CALY: variants seen among roughly 807,000 people sequenced by gnomAD.
The protein encoded by CALY is calcyon neuron specific vesicular protein.
A neutral mutation model predicts 20.2 loss-of-function variants in CALY; 15 were observed. The ratio of observed to expected loss-of-function variants is 0.74; its 90% CI spans 0.50 to 1.14. The LOEUF (loss-of-function observed/expected upper bound fraction) is 1.14, where lower values mean the gene tolerates loss of function less well. Among genes scored for constraint, CALY ranks in the 50% most tolerant of loss-of-function variants. CALY has a pLI of 0.00. For synonymous variants in CALY, 129 were observed against 131.8 expected (o/e 0.98, Z 0.15); for missense variants, 270 against 304.4 (o/e 0.89, Z 0.84).
chr10:133,328,713 G>T, intron 2 of CALY, 142 bp downstream of exon 2: 2 of 957,928 alleles, frequency 2.1e-6, no homozygotes, highest in Non-Finnish European at 3.0e-6. Flanking sequence ...CCCATGGCCA[G>T]CTGGGGCTTT....
chr10:133,335,640 C>T (rs1312399944), intron 1 of CALY, among the ~76,000 whole-genome samples: 1 of 152,220 alleles, frequency 6.6e-6, no homozygotes, highest in African/African-American at 2.4e-5. Flanking sequence ...CCACCCCACA[C>T]ACCAGACCTT....
Position 133,326,010 on chromosome 10 carries a change from G to C in CALY, c.471C>G (p.His157Gln), listed in dbSNP as rs1201277974. ...CCCAGGCCGCCGGCGTCTCCGTGCC[G>C]TGCTTGCGGCTCAGCGGGTAGGCCC... is the stretch of plus-strand genomic sequence containing the variant. ...AIGAYPLSRK[H>Q]GTETPAAWGD... The change falls in exon 5 of 6, where the codon CAC becomes CAG. Residue 157 changes from histidine (H) to glutamine (Q), a missense_variant. Transcript: ENST00000252939. 6.3e-6 allele frequency: 10 copies of C among 1,579,892 alleles called. No individual in the cohort carries two copies. The highest frequency in any genetic ancestry group is 8.6e-6 in the Non-Finnish European group (10 of 1,163,302).
chr10:133,328,409 C>G lies in CALY; in HGVS notation c.136-394G>C, dbSNP rs1160419837. ...TCGGGGTGCCCTTCATGCTGCATGA[C>G]TCCCTGGGGGGTCAAACTGGGCTGG... On this transcript the variant is annotated intron_variant, in intron 2 of 5. Transcript: ENST00000252939. Among the ~76,000 whole-genome samples the G allele has an allele frequency of 2.0e-5, 3 of 152,208 alleles. No individual in the cohort carries two copies. The East Asian group carries it at 5.8e-4, about 29-fold the overall frequency.
At chr10:133,333,380 G>A (rs1848350375) in intron 1 of CALY, among the ~76,000 whole-genome samples, 1 of 140,878 alleles carries the variant, frequency 7.1e-6, no homozygotes, top group Admixed American at 7.0e-5. Flanking sequence ...GTGGGGTGGA[G>A]GGGAGGGATC....
chr10:133,327,085 C>G lies in CALY; in HGVS notation c.247-94G>C, dbSNP rs1346240000. 1.3e-5 allele frequency: 11 copies of G among 845,824 alleles called. No homozygotes were observed. In the South Asian group the frequency reaches 1.5e-4, roughly 11 times the overall value. 52.4% of individuals were successfully genotyped at this position (845,824 alleles called of 1,614,324 possible). A position where few individuals can be genotyped will look rare whatever the true frequency, so the allele number is the denominator to read the frequency against. On this transcript the variant is annotated intron_variant, in intron 3 of 5. Transcript: ENST00000252939. ...GGCTGGGCTGGCACAGGACCATCCC[C>G]GCCCTCCAGTCTTGATGCCCCACCC...
At chr10:133,333,479 G>A (rs1297282865) in intron 1 of CALY, among the ~76,000 whole-genome samples, 2 of 147,986 alleles carry the variant, frequency 1.4e-5, no homozygotes, top group Non-Finnish European at 3.0e-5. Context: ...AGGATATGAC[G>A]CGGGGGGAAG....
At chr10:133,332,000 G>A (rs928538757) in intron 1 of CALY, among the ~76,000 whole-genome samples, 4 of 152,234 alleles carry the variant, frequency 2.6e-5, no homozygotes, top group South Asian at 2.1e-4. Flanking sequence ...GGTGGTACAC[G>A]CCTATAATCC....
rs1848227968 is a variant in CALY at position 133,327,134 on chromosome 10, T to G, written c.247-143A>C. ...CCCCGCCCTGGGCAGCCAGTGGCTT[T>G]TCCAACTTTTCCGAGGGTCAAGTGT... On this transcript the variant is annotated intron_variant, in intron 3 of 5. Coordinates refer to ENST00000252939, the MANE Select transcript of CALY (RefSeq NM_015722.4). 4 of 643,856 alleles carry G rather than the reference T, an allele frequency of 6.2e-6. No homozygotes were observed. In the South Asian group the frequency reaches 7.2e-5, roughly 12 times the overall value. 39.9% of individuals were successfully genotyped at this position (643,856 alleles called of 1,614,324 possible).
At chr10:133,325,776 G>A (rs1848192269) in intron 5 of CALY, 23 bp downstream of exon 5, 3 of 1,072,948 alleles carry the variant, frequency 2.8e-6, no homozygotes, top group South Asian at 9.3e-5. Flanking sequence ...AGAGCCGGCC[G>A]GAGCCCCGCG....
rs1321467609 is a variant in CALY at position 133,324,347 on chromosome 10, A to G, written c.*1248T>C. 2.2e-6 allele frequency: 1 copy of G among 455,806 alleles called. No homozygotes were observed. Among genetic ancestry groups the G allele is most frequent in the South Asian group, 1.6e-5 (1 of 64,510 alleles). The allele number at this position is 455,806 out of a possible 1,614,324, so 28.2% of individuals were successfully genotyped here. A position where few individuals can be genotyped will look rare whatever the true frequency, so the allele number is the denominator to read the frequency against. On this transcript the variant is annotated 3_prime_UTR_variant, in exon 6 of 6. Coordinates refer to ENST00000252939, the MANE Select transcript of CALY (RefSeq NM_015722.4). The stretch of plus-strand genomic sequence containing the variant: ...GGCCCAGTTCACAGGCTTCCTGGGC[A>G]CTGCCGCTGTTCCAAAGCAGGCCAG...
rs1188612287 is a variant in CALY at position 133,326,027 on chromosome 10, G to A, written c.454C>T (p.Pro152Ser). The change falls in exon 5 of 6, where the codon CCG becomes TCG. Residue 152 changes from proline (P) to serine (S), a missense_variant. Transcript: ENST00000252939. ...RSILAAIGAY[P>S]LSRKHGTETP... ...TCCGTGCCGTGCTTGCGGCTCAGCG[G>A]GTAGGCCCCGATGGCCGCCAGGATG... 2 of 1,588,380 alleles carry A rather than the reference G, an allele frequency of 1.3e-6. No homozygotes were observed. The highest frequency in any genetic ancestry group is 8.6e-7 in the Non-Finnish European group (1 of 1,167,782).
In CALY at chr10:133,328,939, C is replaced by T. The variant is rs542453532; in HGVS notation, c.51G>A (p.Gly17=). The stretch of plus-strand genomic sequence containing the variant: ...TGTCCATGGCAGCCCCATCCTGGTC[C>T]CCAGGGTCTTTACCTGGCTTCCCAG... The part of the protein sequence containing the change: ...SFSGKPGKDP[G]DQDGAAMDSV... Residue 17 remains glycine (G), a synonymous_variant, in exon 2 of 6, where the codon GGG becomes GGA. Transcript: ENST00000252939. 1.3e-6 allele frequency: 2 copies of T among 1,562,830 alleles called. No individual in the cohort carries two copies. The highest frequency in any genetic ancestry group is 1.4e-5 in the African/African-American group (1 of 73,920).
At chr10:133,335,138 G>A (rs1226900425) in intron 1 of CALY, among the ~76,000 whole-genome samples, 1 of 152,164 alleles carries the variant, frequency 6.6e-6, no homozygotes, top group Admixed American at 6.5e-5. Context: ...TGTGGGGCGA[G>A]GGCAGCCAGC....
At chr10:133,326,738 A>ATCTTT (rs1848219267) in intron 4 of CALY, 140 bp downstream of exon 4, 1 of 614,676 alleles carries the variant, frequency 1.6e-6, no homozygotes, top group Non-Finnish European at 3.0e-6. Flanking sequence ...ATACGATCTC[A>ATCTTT]TGTTCTAGAG....
At position 133,324,702 on chromosome 10, in the gene CALY, C is replaced by T. The variant is rs1383776117; in HGVS notation, c.*893G>A. On this transcript the variant is annotated 3_prime_UTR_variant, in exon 6 of 6. Coordinates refer to ENST00000252939, the MANE Select transcript of CALY (RefSeq NM_015722.4). The stretch of plus-strand genomic sequence containing the variant: ...GTGGTGGGTGAGATCTGCCGGAAGT[C>T]CATTCCCTGTAGTGTTCAGTGCCGG... 1 of 346,116 alleles carries T rather than the reference C, an allele frequency of 2.9e-6. No homozygotes were observed. The highest frequency in any genetic ancestry group is 2.1e-5 in the South Asian group (1 of 48,298). 21.4% of individuals were successfully genotyped at this position (346,116 alleles called of 1,614,324 possible).
chr10:133,331,930 C>T (rs1201862467), intron 1 of CALY, among the ~76,000 whole-genome samples: 1 of 152,118 alleles, frequency 6.6e-6, no homozygotes, highest in African/African-American at 2.4e-5. Flanking sequence ...AGTTTGAGAC[C>T]AGCCTGGCCA....
At position 133,324,417 on chromosome 10, in the gene CALY, A is replaced by T. The variant is rs1389912541; in HGVS notation, c.*1178T>A. 4 of 448,292 alleles carry T rather than the reference A, an allele frequency of 8.9e-6. No individual in the cohort carries two copies. Among genetic ancestry groups the T allele is most frequent in the African/African-American group, 8.2e-5 (4 of 48,528 alleles). 27.8% of individuals were successfully genotyped at this position (448,292 alleles called of 1,614,324 possible). A position where few individuals can be genotyped will look rare whatever the true frequency, so the allele number is the denominator to read the frequency against. On this transcript the variant is annotated 3_prime_UTR_variant, in exon 6 of 6. Transcript: ENST00000252939. ...TGCCTAGACCCGCACCTAGCCAGCA[A>T]GCCTGGGAGCCAATGGTGGGGGGCT...
Position 133,328,014 on chromosome 10 carries a change from A to C in CALY, c.137T>G (p.Val46Gly), listed in dbSNP as rs1442820577. ...GTATTCTGTCTGTGTCTTGATGACC[A>C]CCTGTGAAAAGAGATGGCCATGGCC... ...SQLQPPLPDQ[V>G]VIKTQTEYQL... Residue 46 changes from valine (V) to glycine (G), a missense_variant and splice_region_variant, in exon 3 of 6, where the codon GTG becomes GGG. Val to Gly is a moderately radical substitution (Grantham distance 109). Coordinates refer to ENST00000252939, the MANE Select transcript of CALY (RefSeq NM_015722.4). 2 of 1,599,210 alleles carry C rather than the reference A, an allele frequency of 1.3e-6. No individual in the cohort carries two copies. The highest frequency in any genetic ancestry group is 1.7e-6 in the Non-Finnish European group (2 of 1,169,620).
Position 133,324,165 on chromosome 10 carries a change from C to G in CALY, c.*1430G>C, listed in dbSNP as rs964727501. 3.0e-5 allele frequency: 10 copies of G among 329,894 alleles called. No individual in the cohort carries two copies. Among genetic ancestry groups the G allele is most frequent in the Non-Finnish European group, 6.1e-5 (10 of 165,278 alleles). The allele number at this position is 329,894 out of a possible 1,614,324, so 20.4% of individuals were successfully genotyped here. A position where few individuals can be genotyped will look rare whatever the true frequency, so the allele number is the denominator to read the frequency against. ...GCTGACGCCCCAGGCCCCGGGCCCC[C>G]CTCCCTTGCAGGCCATCAGGGCCAA... On this transcript the variant is annotated 3_prime_UTR_variant, in exon 6 of 6. Transcript: ENST00000252939.
Sources: gnomAD v4.1 joint callset for allele counts (sites outside exome capture counted in the v4.1 genomes callset) on GRCh38, gnomAD v4.1.1 for gene constraint, MANE v1.5 for transcripts, NCBI Gene and HGNC (gene_info 2026-07-23, HGNC 2026-07-21) for gene names.